LRRC37A2: variants seen among roughly 807,000 people sequenced by gnomAD.
The protein encoded by LRRC37A2 is leucine rich repeat containing 37 member A2.
Under a neutral mutation model 68.8 loss-of-function variants are expected in LRRC37A2, and 9 were observed. The observed-to-expected ratio is 0.13, with a 90% CI of 0.08 to 0.23. The LOEUF is 0.23. LRRC37A2 is among the 10% of genes least tolerant of loss of function. The pLI is 1.00. For synonymous variants in LRRC37A2, 63 were observed against 367.6 expected (o/e 0.17, Z 9.48); for missense variants, 168 against 950.4 (o/e 0.18, Z 10.82).
At chr17:46,933,728 T>C in the LRRC37A2 span, 1 of 150,620 alleles carries the variant, frequency 6.6e-6, no homozygotes, top group Admixed American at 6.7e-5. Context: ...ATCCCAGCAC[T>C]TTGGGAGACC....
chr17:46,872,435 C>T, the LRRC37A2 span: 2 of 1,415,082 alleles, frequency 1.4e-6, no homozygotes, highest in African/African-American at 2.9e-5. Flanking sequence ...TAAATGAAGC[C>T]CCTGAGGAGG....
the LRRC37A2 span, chr17:46,755,678 T>C: frequency 9.3e-7 from 1 of 1,076,240 alleles, no homozygotes; most frequent in Non-Finnish European, 1.3e-6. Context: ...TAATAGCAAA[T>C]GCATAGTGGG....
chr17:46,856,644 C>A, the LRRC37A2 span, among the ~76,000 whole-genome samples: 1 of 152,010 alleles, frequency 6.6e-6, no homozygotes, highest in African/African-American at 2.4e-5. Context: ...CCACCATGCC[C>A]AGCTAATTTT....
the LRRC37A2 span, among the ~76,000 whole-genome samples, chr17:47,044,644 C>T: frequency 1.2e-4 from 18 of 151,258 alleles, no homozygotes; most frequent in African/African-American, 4.4e-4. Context: ...TTCATTATAC[C>T]ATTTGAAAAT....
the LRRC37A2 span, among the ~76,000 whole-genome samples, chr17:46,851,355 G>A: frequency 0.2 from 29,519 of 151,182 alleles, 3,540 homozygotes; most frequent in East Asian, 0.5. This position sits in a 1 kb window ranked among gnomAD's most constrained non-coding sequence, Gnocchi z 4.3. Flanking sequence ...GGGCGGGCGC[G>A]GCGCCAGGTG....
the LRRC37A2 span, among the ~76,000 whole-genome samples, chr17:47,032,537 C>A: frequency 1.3e-5 from 2 of 152,104 alleles, no homozygotes; most frequent in Non-Finnish European, 2.9e-5. Context: ...ATCTTACTTT[C>A]TAACTTGAAC....
At chr17:47,017,716 G>C in the LRRC37A2 span, 1 of 1,610,940 alleles carries the variant, frequency 6.2e-7, no homozygotes. Context: ...ACACCTCATA[G>C]TCAGAAACAG....
chr17:47,027,531 C>T, the LRRC37A2 span: 98 of 1,071,864 alleles, frequency 9.1e-5, no homozygotes, highest in African/African-American at 8.5e-4. Context: ...CTAATCAAGG[C>T]AATATTTTCC....
the LRRC37A2 span, among the ~76,000 whole-genome samples, chr17:46,502,524 A>G: frequency 6.6e-6 from 1 of 150,584 alleles, no homozygotes; most frequent in Non-Finnish European, 1.5e-5. Flanking sequence ...CTGGTCTCGA[A>G]CTCCTGACCT....
the LRRC37A2 span, among the ~76,000 whole-genome samples, chr17:46,958,474 A>T: frequency 6.6e-6 from 1 of 152,226 alleles, no homozygotes. Context: ...GACGGCAGGA[A>T]GCAAGGTGTC....
chr17:46,836,969 G>T, the LRRC37A2 span, among the ~76,000 whole-genome samples: 1 of 152,110 alleles, frequency 6.6e-6, no homozygotes, highest in Non-Finnish European at 1.5e-5. Context: ...TTGAGACAGA[G>T]TCTCGCTCTG....
the LRRC37A2 span, among the ~76,000 whole-genome samples, chr17:46,842,758 A>C: frequency 6.6e-6 from 1 of 152,248 alleles, no homozygotes; most frequent in Non-Finnish European, 1.5e-5. Flanking sequence ...AGTGATGCTC[A>C]AAACGTAGCT....
At chr17:46,838,826 G>A in the LRRC37A2 span, among the ~76,000 whole-genome samples, 2 of 151,882 alleles carry the variant, frequency 1.3e-5, no homozygotes, top group Non-Finnish European at 2.9e-5. Context: ...CACAGAGAGG[G>A]GATTACTCAC....
chr17:46,940,817 C>T, the LRRC37A2 span: 439 of 1,469,728 alleles, frequency 3.0e-4, 2 homozygotes, highest in African/African-American at 5.0e-3. Context: ...TTACCACCTG[C>T]GGCTGGTGGA....
At chr17:46,954,881 T>G in the LRRC37A2 span, among the ~76,000 whole-genome samples, 1 of 152,246 alleles carries the variant, frequency 6.6e-6, no homozygotes, top group Admixed American at 6.5e-5. Context: ...ATCCTGAGAC[T>G]TTGCTGAAGT....
At chr17:46,858,008 C>T in the LRRC37A2 span, among the ~76,000 whole-genome samples, 1 of 152,192 alleles carries the variant, frequency 6.6e-6, no homozygotes, top group Admixed American at 6.6e-5. Context: ...TGGCTAACTG[C>T]AACCTCCACC....
chr17:47,029,720 A>G, the LRRC37A2 span, among the ~76,000 whole-genome samples: 1 of 152,114 alleles, frequency 6.6e-6, no homozygotes, highest in Non-Finnish European at 1.5e-5. Flanking sequence ...CATCAATACA[A>G]ATGTTTTAAA....
At chr17:46,799,362 G>A in the LRRC37A2 span, among the ~76,000 whole-genome samples, 4 of 151,958 alleles carry the variant, frequency 2.6e-5, no homozygotes, top group South Asian at 2.1e-4. Context: ...GCCTGGGAGA[G>A]AATATTTTTA....
the LRRC37A2 span, among the ~76,000 whole-genome samples, chr17:46,747,326 G>T: frequency 6.6e-6 from 1 of 152,102 alleles, no homozygotes; most frequent in Admixed American, 6.5e-5. Context: ...TGTCACCCAG[G>T]CAGGAGTGCA....
Sources: gnomAD v4.1 joint callset for allele counts (sites outside exome capture counted in the v4.1 genomes callset) on GRCh38, gnomAD v4.1.1 for gene constraint, Gnocchi (gnomAD v3.1) non-coding constraint, MANE v1.5 for transcripts, NCBI Gene and HGNC (gene_info 2026-07-23, HGNC 2026-07-21) for gene names.